Variants in TMEM108 observed in about 807,000 individuals in gnomAD.
TMEM108 encodes the protein transmembrane protein 108, also known as cancer/testis antigen 124.
A neutral mutation model predicts 35.1 loss-of-function variants in TMEM108; 12 were observed. The ratio of observed to expected loss-of-function variants is 0.34; its 90% confidence interval spans 0.22 to 0.55. The LOEUF (loss-of-function observed/expected upper bound fraction) is 0.55. Among genes scored for constraint, TMEM108 ranks in the 20% least tolerant of loss-of-function variants. The pLI is 0.89. For missense variants in TMEM108, 680 were observed against 753.3 expected (o/e 0.90, Z 1.14); for synonymous variants, 287 against 308.6 (o/e 0.93, Z 0.73).
At chr3:133,390,612 G>A (rs1479310680) in intron 5 of TMEM108, among the ~76,000 whole-genome samples, 1 of 152,216 alleles carries the variant, frequency 6.6e-6, no homozygotes, top group African/African-American at 2.4e-5. Context: ...TACTCAGTGA[G>A]GACCTGTTTT....
chr3:133,338,000 A>G (rs776219014), intron 3 of TMEM108, among the ~76,000 whole-genome samples: 9 of 152,156 alleles, frequency 5.9e-5, no homozygotes, highest in Non-Finnish European at 1.3e-4. Context: ...TTAAAAATAC[A>G]CGTCGGAGGA....
chr3:133,299,889 AAC>A lies in TMEM108; in HGVS notation c.40+70540_40+70541del, dbSNP rs1351965990. On this transcript the variant is annotated intron_variant, in intron 3 of 5. Transcript: ENST00000321871. ...ATATCCCATTAGCACATTTTATTAAAACAGTCTTCCTATCACATAGAAGTGAT... is the reference window on the plus strand; with the variant it reads ...ATATCCCATTAGCACATTTTATTAAAAGTCTTCCTATCACATAGAAGTGAT... Among the ~76,000 whole-genome samples, 9 of 152,178 alleles carry A rather than the reference AAC, an allele frequency of 5.9e-5. 1 individual carries two copies. The South Asian group carries it at 1.9e-3, about 32-fold the overall frequency.
chr3:133,206,548 A>G (rs2107834048), intron 2 of TMEM108, among the ~76,000 whole-genome samples: 1 of 152,320 alleles, frequency 6.6e-6, no homozygotes, highest in South Asian at 2.1e-4. Flanking sequence ...TCCTTCTAAG[A>G]GTCAGGCCCC....
intron 5 of TMEM108, among the ~76,000 whole-genome samples, chr3:133,393,806 G>A (rs757817757): frequency 6.6e-5 from 10 of 152,180 alleles, no homozygotes; most frequent in South Asian, 4.1e-4. Context: ...GACAATACTC[G>A]TGAACGCACT....
At chr3:133,260,049 C>T (rs960266086) in intron 3 of TMEM108, among the ~76,000 whole-genome samples, 24 of 152,314 alleles carry the variant, frequency 1.6e-4, no homozygotes, top group Middle Eastern at 3.4e-3. Flanking sequence ...GTGGAAACAA[C>T]CGTACCAGTT....
chr3:133,299,591 T>C (rs1035653016), intron 3 of TMEM108, among the ~76,000 whole-genome samples: 1 of 152,216 alleles, frequency 6.6e-6, no homozygotes, highest in African/African-American at 2.4e-5. Flanking sequence ...CAGCTGATGT[T>C]GGGCCAAAAT....
chr3:133,343,415 A>T (rs2071722070), intron 3 of TMEM108, among the ~76,000 whole-genome samples: 1 of 151,926 alleles, frequency 6.6e-6, no homozygotes, highest in African/African-American at 2.4e-5. Flanking sequence ...CTTGCATGTG[A>T]ATGTTTAATA....
At chr3:133,350,687 A>G (rs907005925) in intron 3 of TMEM108, among the ~76,000 whole-genome samples, 5 of 152,180 alleles carry the variant, frequency 3.3e-5, no homozygotes, top group East Asian at 1.9e-4. Flanking sequence ...AGAACCAACT[A>G]TAGAACCTCC....
At chr3:133,173,008 T>A (rs1287247238) in intron 2 of TMEM108, among the ~76,000 whole-genome samples, 1 of 152,218 alleles carries the variant, frequency 6.6e-6, no homozygotes, top group African/African-American at 2.4e-5. Flanking sequence ...CCTAGCCATG[T>A]GGAACTGTAA....
intron 2 of TMEM108, among the ~76,000 whole-genome samples, chr3:133,189,955 C>CA (rs1945475120): frequency 6.6e-6 from 1 of 152,092 alleles, no homozygotes; most frequent in African/African-American, 2.4e-5. Flanking sequence ...TATCCATGGA[C>CA]ATTTTGGGAC....
At chr3:133,073,299 T>C (rs1384523492) in intron 2 of TMEM108, among the ~76,000 whole-genome samples, 1 of 151,854 alleles carries the variant, frequency 6.6e-6, no homozygotes, top group Non-Finnish European at 1.5e-5. Flanking sequence ...AAGTCCCTAG[T>C]GTCCACTGTT....
chr3:133,077,250 T>C (rs558261707), intron 2 of TMEM108, among the ~76,000 whole-genome samples: 1 of 151,174 alleles, frequency 6.6e-6, no homozygotes, highest in Admixed American at 6.6e-5. Context: ...CCTAAAGTCT[T>C]GGGCTTTATT....
intron 3 of TMEM108, among the ~76,000 whole-genome samples, chr3:133,363,490 C>T (rs1576503689): frequency 1.3e-5 from 2 of 151,892 alleles, no homozygotes; most frequent in South Asian, 4.2e-4. Flanking sequence ...CAGTTCACCG[C>T]AGCCTCCTGG....
At chr3:133,249,087 C>G (rs951489781) in intron 3 of TMEM108, among the ~76,000 whole-genome samples, 6 of 152,016 alleles carry the variant, frequency 3.9e-5, no homozygotes, top group Non-Finnish European at 8.8e-5. Flanking sequence ...GTAGGAAAGG[C>G]CAGAAAGGAA....
intron 2 of TMEM108, among the ~76,000 whole-genome samples, chr3:133,053,041 A>T (rs1293886224): frequency 6.6e-6 from 1 of 151,856 alleles, no homozygotes; most frequent in Non-Finnish European, 1.5e-5. Context: ...TTCTAATATC[A>T]CCTAATCTTT....
intron 3 of TMEM108, chr3:133,248,195 C>A (rs553292954): frequency 6.6e-6 from 1 of 151,964 alleles, no homozygotes; most frequent in African/African-American, 2.4e-5. Flanking sequence ...AGGAGACTGA[C>A]GATAACAAGC....
At chr3:133,185,784 C>CTTTTCTTTCT (rs1441056931) in intron 2 of TMEM108, among the ~76,000 whole-genome samples, 2 of 127,094 alleles carry the variant, frequency 1.6e-5, no homozygotes, top group South Asian at 5.5e-4. Flanking sequence ...CTTTTCTTTT[C>CTTTTCTTTCT]TTTTTTTTTT....
chr3:133,128,166 G>C (rs918414745), intron 2 of TMEM108, among the ~76,000 whole-genome samples: 1 of 152,212 alleles, frequency 6.6e-6, no homozygotes, highest in East Asian at 1.9e-4. Flanking sequence ...TCACTCATAG[G>C]TTAAAGAGCA....
chr3:133,386,338 C>T (rs2073148735), intron 4 of TMEM108: 1 of 1,477,356 alleles, frequency 6.8e-7, no homozygotes, highest in Non-Finnish European at 9.1e-7. Flanking sequence ...CTCAAACAGG[C>T]CCGGGAAAGA....
Sources: gnomAD v4.1 joint callset for allele counts (sites outside exome capture counted in the v4.1 genomes callset) on GRCh38, gnomAD v4.1.1 for gene constraint, MANE v1.5 for transcripts, NCBI Gene and HGNC (gene_info 2026-07-23, HGNC 2026-07-21) for gene names.